The following SMG1 variants were observed in gnomAD, a reference collection of about 807,000 sequenced individuals.
The protein encoded by SMG1 is SMG1 nonsense mediated mRNA decay associated PI3K related kinase, also known as serine/threonine-protein kinase SMG1.
SMG1 carries 22 observed loss-of-function variants against 419.9 expected under a neutral mutation model. The observed-to-expected ratio is 0.05, with a 90% CI of 0.04 to 0.07. The LOEUF is 0.07. SMG1 is among the 10% of genes least tolerant of loss of function. The pLI is 1.00. For missense variants in SMG1, 3,185 were observed against 4,342.0 expected (o/e 0.73, Z 7.49); for synonymous variants, 1,538 against 1,553.5 (o/e 0.99, Z 0.23).
intron 49 of SMG1, among the ~76,000 whole-genome samples, 197 bp downstream of exon 49, chr16:18,834,695 G>T (rs907358324): frequency 6.6e-6 from 1 of 152,128 alleles, no homozygotes; most frequent in South Asian, 2.1e-4. Context: ...GCTGTGAGCC[G>T]AGATCGTGCC....
At chr16:18,848,159 C>T in intron 36 of SMG1, 126 bp from the exon 37 acceptor site, 1 of 736,440 alleles carries the variant, frequency 1.4e-6, no homozygotes, top group East Asian at 2.7e-5. Flanking sequence ...GCCTTCCAGG[C>T]ATAGAACTGA....
intron 58 of SMG1, 84 bp from the exon 59 acceptor site, chr16:18,815,735 C>A (rs898230288): frequency 1.8e-4 from 195 of 1,108,818 alleles, no homozygotes; most frequent in Middle Eastern, 2.7e-4. Flanking sequence ...GATTAAGTAA[C>A]AAATGTTTCA....
chr16:18,812,992 C>T (rs1257162575), intron 60 of SMG1, among the ~76,000 whole-genome samples: 3 of 152,158 alleles, frequency 2.0e-5, no homozygotes, highest in Admixed American at 2.0e-4. Context: ...CTACAAAGGA[C>T]ATGAACTCAT....
chr16:18,888,367 C>T (rs1318737063), intron 6 of SMG1, among the ~76,000 whole-genome samples: 1 of 150,942 alleles, frequency 6.6e-6, no homozygotes, highest in Non-Finnish European at 1.5e-5. Context: ...AAATGTGAAG[C>T]ACTCTTCTAT....
chr16:18,869,955 T>C lies in SMG1; in HGVS notation c.2532A>G (p.Ala844=), dbSNP rs763638719. The C allele has an allele frequency of 5.2e-6, 8 of 1,532,750 alleles. No individual in the cohort carries two copies. The Admixed American group carries it at 9.5e-5, about 18-fold the overall frequency. 94.9% of individuals were successfully genotyped at this position (1,532,750 alleles called of 1,614,324 possible). A position where few individuals can be genotyped will look rare whatever the true frequency, so the allele number is the denominator to read the frequency against. ...NHTEIQEISL[A]LRSHMSKAPS... ...GTGCTTTACTCATGTGACTTCTTAA[T>C]GCTAAAGAAATTTCTTGAATTTCTG... is the stretch of plus-strand genomic sequence containing the variant. The change falls in exon 19 of 63, where the codon GCA becomes GCG. Residue 844 remains alanine (A), a synonymous_variant. Transcript: ENST00000446231.
intron 1 of SMG1, among the ~76,000 whole-genome samples, chr16:18,908,238 CACAT>C (rs2037649185): frequency 6.6e-6 from 1 of 151,146 alleles, no homozygotes; most frequent in South Asian, 2.1e-4. Flanking sequence ...CGTGGTGGTG[CACAT>C]CTGTAATCCC....
At chr16:18,829,780 ATTTCATG>A in intron 53 of SMG1, 25 bp from the exon 54 acceptor site, 3 of 1,568,994 alleles carry the variant, frequency 1.9e-6, no homozygotes, top group African/African-American at 1.4e-5. Context: ...AATTTCTTGT[ATTTCATG>A]AAAAAAATCA....
At position 18,828,083 on chromosome 16, in the gene SMG1, T is replaced by C; in HGVS notation, c.9689A>G (p.Lys3230Arg). 6.2e-7 allele frequency: 1 copy of C among 1,613,518 alleles called. No homozygotes were observed. The highest frequency in any genetic ancestry group is 8.5e-7 in the Non-Finnish European group (1 of 1,179,654). The stretch of plus-strand genomic sequence containing the variant: ...CTGGCTCAGGGTATGCAGCTTCTTT[T>C]TCATGCTGGTTAGGATAGCAGACCG... ...PPRSAILTSMKKKLHTLSQIE... is the reference protein window; with the variant it reads ...PPRSAILTSMRKKLHTLSQIE... Residue 3230 changes from lysine to arginine, a missense_variant, in exon 55 of 63, where the codon AAA (lysine) becomes AGA (arginine). Physicochemically the swap from Lys to Arg is conservative, Grantham distance 26. Around this residue, in one of 27 missense-constraint regions of SMG1, gnomAD observed 737 missense variants for 846.6 expected, o/e 0.87. Transcript: ENST00000446231.
rs777074977 is a variant in SMG1 at position 18,812,019 on chromosome 16, G to A, written c.10730C>T (p.Thr3577Ile). 5 of 1,613,992 alleles carry A rather than the reference G, an allele frequency of 3.1e-6. No homozygotes were observed. The highest frequency in any genetic ancestry group is 3.4e-6 in the Non-Finnish European group (4 of 1,179,892). The change falls in exon 61 of 63, where the codon ACC (threonine) becomes ATC (isoleucine). Residue 3577 changes from threonine to isoleucine, a missense_variant. This residue lies in a region of SMG1 where 737 missense variants were observed against 846.6 expected (regional missense o/e 0.87). Transcript: ENST00000446231. ...LATSADTPPS[T>I]VPGTGKSVAC... ...AACACTCTTGCCAGTTCCTGGAACG[G>A]TGCTTGGTGGAGTATCAGCTGATGT...
At chr16:18,869,379 T>C in intron 19 of SMG1, 76 bp from the exon 20 acceptor site, 6 of 1,274,780 alleles carry the variant, frequency 4.7e-6, no homozygotes, top group Non-Finnish European at 6.6e-6. Flanking sequence ...GCAAGGGGAA[T>C]AGGAATAAGG....
chr16:18,922,953 C>T (rs1411370777), intron 1 of SMG1, among the ~76,000 whole-genome samples: 4 of 152,148 alleles, frequency 2.6e-5, no homozygotes, highest in Admixed American at 6.5e-5. Context: ...TGTTGGCAAG[C>T]GCCTGTAGCC....
intron 3 of SMG1, among the ~76,000 whole-genome samples, chr16:18,892,568 C>G (rs1428652106): frequency 2.0e-5 from 3 of 151,982 alleles, no homozygotes; most frequent in African/African-American, 7.3e-5. Context: ...CACAGACATA[C>G]AAAAAATTAC....
intron 23 of SMG1, among the ~76,000 whole-genome samples, chr16:18,864,654 C>T (rs1312036360): frequency 2.0e-5 from 3 of 152,118 alleles, no homozygotes; most frequent in Admixed American, 6.5e-5. Context: ...CACCACCACA[C>T]CTGGCTAAAA....
intron 58 of SMG1, 64 bp from the exon 59 acceptor site, chr16:18,815,715 G>T: frequency 7.4e-7 from 1 of 1,346,432 alleles, no homozygotes; most frequent in Non-Finnish European, 1.0e-6. Flanking sequence ...TCTCAAGACA[G>T]TCACCTAGTG....
Position 18,847,938 on chromosome 16 carries a change from A to T in SMG1, c.5719T>A (p.Ser1907Thr), listed in dbSNP as rs1381490743. 1 of 1,614,000 alleles carries T rather than the reference A, an allele frequency of 6.2e-7. No homozygotes were observed. The highest frequency in any genetic ancestry group is 1.7e-5 in the Admixed American group (1 of 60,030). Residue 1907 changes from serine to threonine, a missense_variant, in exon 37 of 63, where the codon TCT becomes ACT. This residue lies in a region of SMG1 where 130 missense variants were observed against 162.0 expected (regional missense o/e 0.80). Coordinates refer to ENST00000446231, the MANE Select transcript of SMG1 (RefSeq NM_015092.5). ...GGTTCATCCTTATTGCTATCCTGAG[A>T]TGCAGGAGGACTTCCTCCCTCACAT... ...SECEGGSPPA[S>T]QDSNKDEPKS...
In SMG1 at chr16:18,866,554, C is replaced by A. The variant is rs1333812136; in HGVS notation, c.3350+67G>T. The A allele has an allele frequency of 7.8e-6, 11 of 1,412,624 alleles. No individual in the cohort carries two copies. In the African/African-American group the frequency reaches 1.4e-4, roughly 18 times the overall value. 87.5% of individuals were successfully genotyped at this position (1,412,624 alleles called of 1,614,324 possible). Reference sequence around the variant, plus strand: ...CTGTTTTAAGATTTGGCTACAATGTCAGTGAGTAATACACAGAACTTAAAC... The same window carrying A: ...CTGTTTTAAGATTTGGCTACAATGTAAGTGAGTAATACACAGAACTTAAAC... On this transcript the variant is annotated intron_variant, in intron 23 of 62. Transcript: ENST00000446231.
chr16:18,885,444 G>C (rs1596595368), intron 7 of SMG1, 97 bp downstream of exon 7: 10 of 1,442,992 alleles, frequency 6.9e-6, no homozygotes, highest in Non-Finnish European at 9.6e-6. Flanking sequence ...TATATTCAAA[G>C]GAGCTGAGGC....
At chr16:18,909,665 C>G (rs539716787) in intron 1 of SMG1, among the ~76,000 whole-genome samples, 13 of 152,172 alleles carry the variant, frequency 8.5e-5, no homozygotes, top group Admixed American at 7.2e-4. Flanking sequence ...AAATCAAATA[C>G]TGAAAAAGGA....
In SMG1 at chr16:18,854,699, C is replaced by A. The variant is rs779502841; in HGVS notation, c.4440G>T (p.Gly1480=). 5 of 1,613,746 alleles carry A rather than the reference C, an allele frequency of 3.1e-6. No homozygotes were observed. The highest frequency in any genetic ancestry group is 4.2e-6 in the Non-Finnish European group (5 of 1,179,864). The change falls in exon 30 of 63, where the codon GGG becomes GGT. Residue 1480 remains glycine (G), a synonymous_variant. Coordinates refer to ENST00000446231, the MANE Select transcript of SMG1 (RefSeq NM_015092.5). ...TGGTTTTTTCAATATCAAGTTCGGG[C>A]CCCCATTTTTCATCCACTTGACCTT... is the stretch of plus-strand genomic sequence containing the variant. ...STQGQVDEKW[G]PELDIEKTKL...
Sources: allele counts gnomAD v4.1 joint callset (sites outside exome capture counted in the v4.1 genomes callset), GRCh38; gene constraint gnomAD v4.1.1; regional missense constraint gnomAD v4.1.1; transcripts MANE v1.5; gene names NCBI Gene and HGNC (gene_info 2026-07-23, HGNC 2026-07-21).